L2HGDH: variants seen among roughly 807,000 people sequenced by gnomAD.
L2HGDH encodes L-2-hydroxyglutarate dehydrogenase.
In L2HGDH, 34 loss-of-function variants were observed where a neutral mutation model predicts 51.5. The ratio of observed to expected loss-of-function variants is 0.66; its 90% confidence interval spans 0.50 to 0.88. The LOEUF is 0.88. L2HGDH is among the 40% of genes least tolerant of loss of function. The probability of loss-of-function intolerance (pLI) is 0.00; values close to 1 mark genes in which losing one functional copy is unlikely to be tolerated. For synonymous variants in L2HGDH, 198 were observed against 197.9 expected (o/e 1.00, Z -0.01); for missense variants, 558 against 571.9 (o/e 0.98, Z 0.25).
chr14:50,250,567 C>T (rs928009934), intron 9 of L2HGDH, among the ~76,000 whole-genome samples: 2 of 152,230 alleles, frequency 1.3e-5, no homozygotes, highest in Admixed American at 1.3e-4. Flanking sequence ...AGGAAGCTTA[C>T]TGCCCTGAAG....
chr14:50,259,535 T>G (rs1016930124), intron 9 of L2HGDH, among the ~76,000 whole-genome samples: 1 of 151,618 alleles, frequency 6.6e-6, no homozygotes, highest in South Asian at 2.1e-4. Flanking sequence ...TTTAAAAAGA[T>G]TCTTAAAAAT....
intron 9 of L2HGDH, among the ~76,000 whole-genome samples, chr14:50,251,502 T>C (rs1888349196): frequency 6.6e-6 from 1 of 151,956 alleles, no homozygotes; most frequent in East Asian, 1.9e-4. Flanking sequence ...GAGAAAGATA[T>C]CAACATTTGA....
In L2HGDH at chr14:50,265,417, A is replaced by T. The variant is rs1248506831; in HGVS notation, c.1137T>A (p.Gly379=). 4 of 1,612,532 alleles carry T rather than the reference A, an allele frequency of 2.5e-6. No homozygotes were observed. Among genetic ancestry groups the T allele is most frequent in the Non-Finnish European group, 3.4e-6 (4 of 1,178,622 alleles). Residue 379 remains glycine (G), a synonymous_variant, in exon 9 of 10, where the codon GGT becomes GGA. Transcript: ENST00000267436. The part of the protein sequence containing the change: ...VTEMYKACFL[G]ATVKYLQKFI... The stretch of plus-strand genomic sequence containing the variant: ...ATTTTTGAAGATACTTCACTGTTGC[A>T]CCAAGAAAACATGCTTTATACATTT...
At chr14:50,293,322 A>G in intron 4 of L2HGDH, 1 of 698,078 alleles carries the variant, frequency 1.4e-6, no homozygotes, top group Non-Finnish European at 2.6e-6. Flanking sequence ...CCTAACTTAT[A>G]CCATATATAA....
intron 4 of L2HGDH, chr14:50,293,111 T>TA (rs1021832172): frequency 3.0e-4 from 189 of 628,466 alleles, no homozygotes; most frequent in South Asian, 4.3e-4. Flanking sequence ...AGAACCCATT[T>TA]AAAAAAAAAT....
intron 7 of L2HGDH, among the ~76,000 whole-genome samples, chr14:50,268,381 G>GAAAAAAAA (rs769880130): frequency 4.4e-5 from 3 of 67,924 alleles, no homozygotes; most frequent in African/African-American, 5.1e-5. Context: ...TCTGTCTCAG[G>GAAAAAAAA]AAAAAAAAAA....
chr14:50,292,668 T>G (rs1890948065), intron 4 of L2HGDH, among the ~76,000 whole-genome samples: 1 of 152,090 alleles, frequency 6.6e-6, no homozygotes, highest in African/African-American at 2.4e-5. Flanking sequence ...ATTGCGCCAT[T>G]GCACTCCATC....
chr14:50,261,469 A>G (rs745602245), intron 9 of L2HGDH, among the ~76,000 whole-genome samples: 4 of 152,166 alleles, frequency 2.6e-5, no homozygotes, highest in Non-Finnish European at 5.9e-5. Context: ...TCACAGAACA[A>G]ATTTTTAAAG....
intron 6 of L2HGDH, among the ~76,000 whole-genome samples, chr14:50,271,706 T>TA (rs888713996): frequency 5.9e-5 from 9 of 151,526 alleles, no homozygotes; most frequent in African/African-American, 1.7e-4. Context: ...AGTCCCCAAT[T>TA]AAAAAAATAA....
chr14:50,301,859 A>G (rs1222433774), intron 3 of L2HGDH, among the ~76,000 whole-genome samples, 158 bp downstream of exon 3: 2 of 152,236 alleles, frequency 1.3e-5, no homozygotes, highest in Non-Finnish European at 2.9e-5. Context: ...AGAAAATTAC[A>G]TAACGTCACA....
chr14:50,280,145 C>G (rs1890187651), intron 5 of L2HGDH, among the ~76,000 whole-genome samples: 1 of 150,166 alleles, frequency 6.7e-6, no homozygotes, highest in African/African-American at 2.4e-5. Context: ...CTCTCTAAGA[C>G]TGAGCCACAT....
chr14:50,283,516 A>T (rs950995242), intron 5 of L2HGDH, among the ~76,000 whole-genome samples: 4 of 152,158 alleles, frequency 2.6e-5, no homozygotes, highest in African/African-American at 9.7e-5. Context: ...AATCAATATA[A>T]GTACAGCTGT....
At chr14:50,309,960 G>A (rs1447247276) in intron 1 of L2HGDH, among the ~76,000 whole-genome samples, 3 of 150,698 alleles carry the variant, frequency 2.0e-5, no homozygotes, top group Admixed American at 6.6e-5. Flanking sequence ...CTCCCAAAGT[G>A]CTGAGATTAT....
At chr14:50,287,352 A>G (rs965661002) in intron 4 of L2HGDH, 1 of 975,836 alleles carries the variant, frequency 1.0e-6, no homozygotes, top group African/African-American at 1.8e-5. Flanking sequence ...AACAGGCAAC[A>G]ATCAGATAGA....
At chr14:50,273,914 A>C (rs575050267) in intron 6 of L2HGDH, among the ~76,000 whole-genome samples, 1 of 152,228 alleles carries the variant, frequency 6.6e-6, no homozygotes, top group South Asian at 2.1e-4. Context: ...CCCCATCTCT[A>C]CTAAAAATAC....
At chr14:50,266,388 A>C (rs1362219269) in intron 8 of L2HGDH, among the ~76,000 whole-genome samples, 2 of 152,098 alleles carry the variant, frequency 1.3e-5, no homozygotes, top group Admixed American at 6.5e-5. Context: ...CATGCCTGTA[A>C]TCCCAGCACT....
chr14:50,307,422 G>C (rs2030795432), intron 1 of L2HGDH, among the ~76,000 whole-genome samples: 2 of 152,216 alleles, frequency 1.3e-5, no homozygotes, highest in Admixed American at 6.5e-5. Flanking sequence ...CCACTATGGA[G>C]ACAGGTGAAC....
chr14:50,275,604 C>T (rs1014279086), intron 6 of L2HGDH, among the ~76,000 whole-genome samples: 5 of 152,136 alleles, frequency 3.3e-5, no homozygotes, highest in African/African-American at 1.2e-4. Flanking sequence ...CTGATTTTAC[C>T]ATTTTCCCCA....
chr14:50,245,217 A>T lies in L2HGDH; in HGVS notation c.*1841T>A. 2.0e-6 allele frequency: 2 copies of T among 985,324 alleles called. No homozygotes were observed. Among genetic ancestry groups the T allele is most frequent in the Middle Eastern group, 5.2e-4 (1 of 1,914 alleles). The allele number at this position is 985,324 out of a possible 1,614,324, so 61.0% of individuals were successfully genotyped here. On this transcript the variant is annotated 3_prime_UTR_variant, in exon 10 of 10. Transcript: ENST00000267436. ...AATCAAGTACGTATGAATCATTACC[A>T]ATCTTGGCCAACATTTTGAGAGCCT...
Sources: allele counts gnomAD v4.1 joint callset (sites outside exome capture counted in the v4.1 genomes callset), GRCh38; gene constraint gnomAD v4.1.1; transcripts MANE v1.5; gene names NCBI Gene and HGNC (gene_info 2026-07-23, HGNC 2026-07-21).